The following BAZ2B variants were observed in gnomAD, a reference collection of about 807,000 sequenced individuals.
BAZ2B encodes bromodomain adjacent to zinc finger domain 2B.
BAZ2B carries 91 observed loss-of-function variants against 246.0 expected under a neutral mutation model. The observed-to-expected ratio is 0.37, with a 90% CI of 0.31 to 0.44. The LOEUF is 0.44. Among genes scored for constraint, BAZ2B ranks in the 20% least tolerant of loss-of-function variants. The probability of loss-of-function intolerance (pLI) is 1.00; values close to 1 mark genes in which losing one functional copy is unlikely to be tolerated. For synonymous variants in BAZ2B, 855 were observed against 860.0 expected, an observed-to-expected ratio of 0.99 and a Z score of 0.10; for missense variants, 2,332 against 2,533.7, an observed-to-expected ratio of 0.92 and a Z score of 1.71.
Position 159,438,994 on chromosome 2 carries a change from T to C in BAZ2B, c.900+15A>G, listed in dbSNP as rs765685554. On this transcript the variant is annotated intron_variant, in intron 7 of 36. Transcript: ENST00000392783. ...ATGAATAATGTTTGGATACTGTCCA[T>C]GAAAAAAATTATACCTGGTTGTTAC... 1.1e-5 allele frequency: 18 copies of C among 1,609,578 alleles called. No homozygotes were observed. The highest frequency in any genetic ancestry group is 1.4e-5 in the Non-Finnish European group (16 of 1,177,920).
chr2:159,559,076 C>T (rs981194221), intron 1 of BAZ2B, among the ~76,000 whole-genome samples: 1 of 151,954 alleles, frequency 6.6e-6, no homozygotes, highest in African/African-American at 2.4e-5. Flanking sequence ...CCTATCTCTA[C>T]AAAAAATAGA....
chr2:159,455,738 G>A (rs2075654865), intron 3 of BAZ2B, among the ~76,000 whole-genome samples: 1 of 139,950 alleles, frequency 7.1e-6, no homozygotes, highest in African/African-American at 2.6e-5. Context: ...TTTAAGACCA[G>A]TGATAGGTTA....
Position 159,430,911 on chromosome 2 carries a change from C to T in BAZ2B, c.2146G>A (p.Ala716Thr), listed in dbSNP as rs1468407362. Residue 716 changes from alanine (A) to threonine (T), a missense_variant, in exon 10 of 37, where the codon GCT becomes ACT. By Grantham distance (58) the Ala-to-Thr change is moderately conservative. Transcript: ENST00000392783. Reference protein sequence around the residue: ...AALCSESQSPAFLGTSSSTLT... With the variant: ...AALCSESQSPTFLGTSSSTLT... ...GTGGAAGAAGATGTACCAAGAAAAGCAGGTGACTGGGATTCAGAACATAAG... is the reference window on the plus strand; with the variant it reads ...GTGGAAGAAGATGTACCAAGAAAAGTAGGTGACTGGGATTCAGAACATAAG... 6.2e-7 allele frequency: 1 copy of T among 1,613,892 alleles called. No homozygotes were observed. Among genetic ancestry groups the T allele is most frequent in the Non-Finnish European group, 8.5e-7 (1 of 1,179,850 alleles).
At chr2:159,440,524 T>G (rs1482153849) in intron 6 of BAZ2B, among the ~76,000 whole-genome samples, 1 of 151,588 alleles carries the variant, frequency 6.6e-6, no homozygotes, top group Admixed American at 6.6e-5. Context: ...CTTGTTTTTT[T>G]TTTTTTTTTT....
intron 1 of BAZ2B, among the ~76,000 whole-genome samples, chr2:159,609,853 G>A (rs1694333339): frequency 6.6e-6 from 1 of 151,702 alleles, no homozygotes; most frequent in Non-Finnish European, 1.5e-5. Flanking sequence ...TGAGTGGAAT[G>A]GTTTATAATA....
chr2:159,422,707 T>A (rs557762589), intron 13 of BAZ2B, among the ~76,000 whole-genome samples: 28 of 151,694 alleles, frequency 1.8e-4, no homozygotes, highest in African/African-American at 6.5e-4. Flanking sequence ...GCAAAAAAAA[T>A]AAAAATTGAC....
intron 1 of BAZ2B, among the ~76,000 whole-genome samples, chr2:159,581,953 A>T (rs1017826844): frequency 3.3e-5 from 5 of 151,454 alleles, no homozygotes; most frequent in African/African-American, 1.2e-4. Context: ...TAGCATTAGG[A>T]GATATACCTA....
intron 2 of BAZ2B, among the ~76,000 whole-genome samples, chr2:159,519,654 A>G (rs767717486): frequency 1.8e-3 from 266 of 147,052 alleles, no homozygotes; most frequent in Admixed American, 4.1e-3. Flanking sequence ...CCAGACAATT[A>G]TAAGGGACCT....
At chr2:159,469,116 T>C (rs1165699775) in intron 3 of BAZ2B, among the ~76,000 whole-genome samples, 1 of 135,296 alleles carries the variant, frequency 7.4e-6, no homozygotes, top group Non-Finnish European at 1.6e-5. Context: ...AAGGAAATAA[T>C]TAATGAGAGA....
chr2:159,367,973 G>A (rs1246589224), intron 27 of BAZ2B, among the ~76,000 whole-genome samples: 2 of 152,158 alleles, frequency 1.3e-5, no homozygotes, highest in Admixed American at 1.3e-4. Flanking sequence ...ATTTACAGTA[G>A]TTTCTACTAG....
chr2:159,703,180 G>A, the BAZ2B span, among the ~76,000 whole-genome samples: 2 of 151,904 alleles, frequency 1.3e-5, no homozygotes, highest in African/African-American at 4.8e-5. Context: ...TCTGCCTCCT[G>A]GATTCAAGCA....
chr2:159,561,037 G>A (rs2089805685), intron 1 of BAZ2B, among the ~76,000 whole-genome samples: 2 of 152,130 alleles, frequency 1.3e-5, no homozygotes, highest in Admixed American at 1.3e-4. Context: ...CTACAATGAT[G>A]GGAATGTTCA....
At chr2:159,361,764 A>G (rs2059719296) in intron 27 of BAZ2B, among the ~76,000 whole-genome samples, 1 of 152,228 alleles carries the variant, frequency 6.6e-6, no homozygotes, top group Admixed American at 6.5e-5. Flanking sequence ...ACCATGGAAT[A>G]CTATGCAGCC....
intron 1 of BAZ2B, among the ~76,000 whole-genome samples, chr2:159,602,379 T>C (rs1692364446): frequency 1.3e-5 from 2 of 152,194 alleles, no homozygotes; most frequent in African/African-American, 4.8e-5. Flanking sequence ...AACTGATAAT[T>C]CTTGGGAATT....
intron 2 of BAZ2B, among the ~76,000 whole-genome samples, chr2:159,550,945 TCCAC>T (rs2088091743): frequency 6.6e-6 from 1 of 152,072 alleles, no homozygotes; most frequent in Non-Finnish European, 1.5e-5. Flanking sequence ...AAGCAATCCT[TCCAC>T]CTCAGCTTCC....
rs577104660 is a variant in BAZ2B, at chr2:159,387,290, T to C, written c.3217-683A>G. ...AATTAGCTATCTCTGTTGTTATTTC[T>C]CAAATATGCTCACATATTAACATTT... On this transcript the variant is annotated intron_variant, in intron 21 of 36. Coordinates refer to ENST00000392783, the MANE Select transcript of BAZ2B (RefSeq NM_013450.4). Among the ~76,000 whole-genome samples, 94 of 152,292 alleles carry C rather than the reference T, an allele frequency of 6.2e-4. 2 individuals are homozygous for C. The highest frequency in any genetic ancestry group is 4.3e-4 in the Non-Finnish European group (29 of 68,016).
chr2:159,590,116 G>A (rs1688965068), intron 1 of BAZ2B, among the ~76,000 whole-genome samples: 1 of 135,854 alleles, frequency 7.4e-6, no homozygotes, highest in African/African-American at 2.7e-5. Context: ...GAACCTGGGA[G>A]GCAGAGGCTG....
At chr2:159,689,705 A>T in the BAZ2B span, 1 of 396,402 alleles carries the variant, frequency 2.5e-6, no homozygotes, top group East Asian at 6.3e-5. Context: ...GAAATCATGG[A>T]GACGATAAAT....
chr2:159,574,260 C>T (rs534336724), intron 1 of BAZ2B, among the ~76,000 whole-genome samples: 61 of 147,552 alleles, frequency 4.1e-4, no homozygotes, highest in African/African-American at 1.4e-3. Context: ...AGAAAAGATG[C>T]TCAATATCAT....
Sources: gnomAD v4.1 joint callset for allele counts (sites outside exome capture counted in the v4.1 genomes callset) on GRCh38, gnomAD v4.1.1 for gene constraint, MANE v1.5 for transcripts, NCBI Gene and HGNC (gene_info 2026-07-23, HGNC 2026-07-21) for gene names.